PDE4D: variants seen among roughly 807,000 people sequenced by gnomAD.
PDE4D encodes the protein 3',5'-cyclic-AMP phosphodiesterase 4D.
In PDE4D, 24 loss-of-function variants were observed where a neutral mutation model predicts 87.4. That is an observed-to-expected ratio of 0.27 (90% CI 0.20 to 0.39). The LOEUF (loss-of-function observed/expected upper bound fraction) is 0.39, where lower values mean the gene tolerates loss of function less well. Among genes scored for constraint, PDE4D ranks in the 10% least tolerant of loss-of-function variants. The probability of loss-of-function intolerance (pLI) is 1.00; values close to 1 mark genes in which losing one functional copy is unlikely to be tolerated. For missense variants in PDE4D, 714 were observed against 1,041.0 expected, an observed-to-expected ratio of 0.69 and a Z score of 4.32; for synonymous variants, 384 against 383.2, an observed-to-expected ratio of 1.00 and a Z score of -0.02.
chr5:60,276,971 G>A (rs1046375024), intron 1 of PDE4D, among the ~76,000 whole-genome samples: 2 of 151,522 alleles, frequency 1.3e-5, no homozygotes, highest in African/African-American at 4.8e-5. Flanking sequence ...CATATAGTTA[G>A]GTCATATTTT....
intron 1 of PDE4D, among the ~76,000 whole-genome samples, chr5:59,282,458 T>C (rs1353891618): frequency 1.3e-5 from 2 of 151,716 alleles, no homozygotes; most frequent in Non-Finnish European, 2.9e-5. Context: ...CTGGCAAACA[T>C]GGTGAAACCC....
chr5:59,979,368 A>C (rs1163992045), intron 3 of PDE4D, among the ~76,000 whole-genome samples: 2 of 85,200 alleles, frequency 2.3e-5, no homozygotes, highest in East Asian at 1.3e-3. Context: ...CATATTTAAA[A>C]AACAAGTATT....
Position 59,634,896 on chromosome 5 carries a change from T to C in PDE4D, c.455+258272A>G, listed in dbSNP as rs536597540. On this transcript the variant is annotated intron_variant, in intron 1 of 14. Transcript: ENST00000340635. ...AGAAATAACTAAGATCAGAGCAGAATTGAAGGAGACAGAGACAGAAAAAAC... is the reference window on the plus strand; with the variant it reads ...AGAAATAACTAAGATCAGAGCAGAACTGAAGGAGACAGAGACAGAAAAAAC... Among the ~76,000 whole-genome samples the C allele has an allele frequency of 1.6e-4, 25 of 151,938 alleles. 1 individual carries two copies. In the South Asian group the frequency reaches 4.8e-3, roughly 29 times the overall value.
chr5:59,432,245 C>A (rs1796208564), intron 1 of PDE4D, among the ~76,000 whole-genome samples: 1 of 148,250 alleles, frequency 6.7e-6, no homozygotes, highest in African/African-American at 2.6e-5. Context: ...AAAGTGGGCT[C>A]ATACTATGTA....
chr5:59,033,491 C>T (rs796322998), intron 6 of PDE4D, among the ~76,000 whole-genome samples: 3 of 152,252 alleles, frequency 2.0e-5, no homozygotes, highest in African/African-American at 7.2e-5. Context: ...GTCCCTCCTG[C>T]TGAAAAAGAG....
intron 3 of PDE4D, among the ~76,000 whole-genome samples, chr5:59,905,478 A>C (rs760752886): frequency 6.6e-6 from 1 of 152,120 alleles, no homozygotes; most frequent in Non-Finnish European, 1.5e-5. Context: ...TTCATTCTTA[A>C]AAGTATGTCA....
At chr5:60,443,535 T>C (rs1745405700) in intron 1 of PDE4D, among the ~76,000 whole-genome samples, 1 of 152,096 alleles carries the variant, frequency 6.6e-6, no homozygotes, top group Non-Finnish European at 1.5e-5. Flanking sequence ...TGTAGAAGAA[T>C]TTGAGGAGTG....
chr5:59,614,492 T>C (rs536714635), intron 1 of PDE4D, among the ~76,000 whole-genome samples: 22 of 152,342 alleles, frequency 1.4e-4, no homozygotes, highest in South Asian at 6.2e-4. Context: ...GCTTCTATTA[T>C]TGCATACAAT....
rs751373723 is a variant in PDE4D at position 58,972,229 on chromosome 5, A to G, written c.*2435T>C. 2 of 152,636 alleles carry G rather than the reference A, an allele frequency of 1.3e-5. No individual in the cohort carries two copies. The highest frequency in any genetic ancestry group is 2.9e-5 in the Non-Finnish European group (2 of 68,026). The allele number at this position is 152,636 out of a possible 1,614,324, so 9.5% of individuals were successfully genotyped here. A position where few individuals can be genotyped will look rare whatever the true frequency, so the allele number is the denominator to read the frequency against. On this transcript the variant is annotated 3_prime_UTR_variant, in exon 15 of 15. Transcript: ENST00000340635. The stretch of plus-strand genomic sequence containing the variant: ...TTACCTTTCTTTCTAGACTTCACTC[A>G]GGGACAAATAAAATTAAAAGAAACA...
intron 1 of PDE4D, among the ~76,000 whole-genome samples, chr5:59,519,717 C>T (rs1305466865): frequency 6.6e-6 from 1 of 152,194 alleles, no homozygotes; most frequent in Non-Finnish European, 1.5e-5. Context: ...ACGATGTGAA[C>T]TAATTACTGT....
intron 1 of PDE4D, among the ~76,000 whole-genome samples, chr5:59,254,320 C>G (rs559474993): frequency 6.6e-6 from 1 of 152,014 alleles, no homozygotes. Flanking sequence ...AGTTTTCCCT[C>G]CTATTTTGCT....
chr5:60,283,877 G>C (rs746262436), intron 1 of PDE4D, among the ~76,000 whole-genome samples: 1 of 152,056 alleles, frequency 6.6e-6, no homozygotes, highest in Non-Finnish European at 1.5e-5. Context: ...AGGACTGCGT[G>C]TATTTCCTAT....
intron 1 of PDE4D, among the ~76,000 whole-genome samples, chr5:59,307,687 C>T (rs1485630319): frequency 5.8e-4 from 88 of 151,244 alleles, no homozygotes; most frequent in Middle Eastern, 3.4e-3. Flanking sequence ...GTTAGAATGG[C>T]AATCATTCAA....
intron 2 of PDE4D, among the ~76,000 whole-genome samples, chr5:60,006,742 C>A (rs138033656): frequency 2.0e-5 from 3 of 151,898 alleles, no homozygotes; most frequent in Non-Finnish European, 2.9e-5. Flanking sequence ...CTAATCCAAC[C>A]ATTAAGTATC....
At position 60,058,424 on chromosome 5, in the gene PDE4D, C is replaced by T. The variant is rs547512988; in HGVS notation, c.43-69707G>A. Reference sequence around the variant, plus strand: ...ATCTTCAGAGTTAAATAATAACATCCCCATAAGGATTATTTATAAATTACA... The same window carrying T: ...ATCTTCAGAGTTAAATAATAACATCTCCATAAGGATTATTTATAAATTACA... On this transcript the variant is annotated intron_variant, in intron 2 of 16. Coordinates refer to the PDE4D transcript ENST00000502484. Among the ~76,000 whole-genome samples, 13 of 151,872 alleles carry T rather than the reference C, an allele frequency of 8.6e-5. No individual in the cohort carries two copies. In the South Asian group the frequency reaches 2.7e-3, roughly 32 times the overall value.
chr5:59,574,329 C>T (rs2153697523), intron 1 of PDE4D, among the ~76,000 whole-genome samples: 1 of 150,578 alleles, frequency 6.6e-6, no homozygotes, highest in African/African-American at 2.4e-5. Context: ...AACATTCTCC[C>T]TATAAGTTAT....
At chr5:60,404,170 T>A (rs1741330460) in intron 1 of PDE4D, among the ~76,000 whole-genome samples, 2 of 150,862 alleles carry the variant, frequency 1.3e-5, no homozygotes, top group South Asian at 4.2e-4. Flanking sequence ...TCTTTTTTTT[T>A]TTTTTTTTTT....
At position 59,893,237 on chromosome 5, in the gene PDE4D, T is replaced by G. The variant is rs1051787358; in HGVS notation, c.386A>C (p.Glu129Ala). The G allele has an allele frequency of 1.8e-5, 28 of 1,557,960 alleles. No individual in the cohort carries two copies. The highest frequency in any genetic ancestry group is 4.8e-5 in the East Asian group (2 of 41,630). Residue 129 changes from glutamate to alanine, a missense_variant, in exon 1 of 15, where the codon GAG (glutamate) becomes GCG (alanine). This residue lies in a region of PDE4D where 268 missense variants were observed against 272.9 expected (regional missense o/e 0.98). Coordinates refer to ENST00000340635, the MANE Select transcript of PDE4D (RefSeq NM_001104631.2). ...RAMDRTSYAV[E>A]TGHRPGLKKS... ...CTTCAGGCCGGGCCGGTGGCCGGTC[T>G]CCACCGCGTAGGAGGTGCGGTCCAT...
intron 1 of PDE4D, among the ~76,000 whole-genome samples, chr5:60,469,134 C>T (rs143186456): frequency 2.6e-5 from 4 of 152,268 alleles, no homozygotes; most frequent in African/African-American, 7.2e-5. Flanking sequence ...AAGCATCTGT[C>T]CTCACCAAGC....
Sources: gnomAD v4.1 joint callset for allele counts (sites outside exome capture counted in the v4.1 genomes callset) on GRCh38, gnomAD v4.1.1 for gene constraint, gnomAD v4.1.1 regional missense constraint, MANE v1.5 for transcripts, NCBI Gene and HGNC (gene_info 2026-07-23, HGNC 2026-07-21) for gene names.